ASCC1: variants seen among roughly 807,000 people sequenced by gnomAD.
The protein encoded by ASCC1 is ASC-1 complex subunit P50.
Under a neutral mutation model 46.6 loss-of-function variants are expected in ASCC1, and 35 were observed. The observed-to-expected ratio is 0.75, with a 90% CI of 0.57 to 0.99. The LOEUF (loss-of-function observed/expected upper bound fraction) is 0.99. ASCC1 is among the 50% of genes least tolerant of loss of function. ASCC1 has a pLI of 0.00. For missense variants in ASCC1, 376 were observed against 428.7 expected, an observed-to-expected ratio of 0.88 and a Z score of 1.09; for synonymous variants, 143 against 146.6, an observed-to-expected ratio of 0.98 and a Z score of 0.18.
chr10:72,190,620 G>A (rs1854279661), intron 5 of ASCC1: 1 of 948,702 alleles, frequency 1.1e-6, no homozygotes, highest in African/African-American at 1.7e-5. Flanking sequence ...AACAATTTAA[G>A]ACAGTCATGT....
At chr10:72,133,718 T>A (rs75542168) in intron 7 of ASCC1, 2,352 of 179,898 alleles carry the variant, frequency 0.013, 46 homozygotes, top group African/African-American at 0.052. Context: ...AAAAGGGAAT[T>A]ATGTGGTCTG....
chr10:72,132,970 T>G (rs1845775511), intron 8 of ASCC1, 87 bp downstream of exon 8: 5 of 1,556,720 alleles, frequency 3.2e-6, no homozygotes, highest in Non-Finnish European at 4.4e-6. Flanking sequence ...ATATCAGAGA[T>G]TCTTTGATAG....
intron 5 of ASCC1, among the ~76,000 whole-genome samples, chr10:72,176,411 T>C (rs1467762818): frequency 6.6e-6 from 1 of 152,154 alleles, no homozygotes; most frequent in East Asian, 1.9e-4. Flanking sequence ...GGCACAATCA[T>C]GGCTACTGTA....
intron 9 of ASCC1, among the ~76,000 whole-genome samples, chr10:72,125,887 T>C (rs1167843527): frequency 6.6e-6 from 1 of 152,210 alleles, no homozygotes; most frequent in Non-Finnish European, 1.5e-5. Flanking sequence ...AGGGATTGTA[T>C]CATAATGACT....
chr10:72,204,538 T>C, intron 3 of ASCC1: 1 of 1,549,394 alleles, frequency 6.5e-7, no homozygotes, highest in Non-Finnish European at 8.7e-7. Context: ...TTTCAGAGTC[T>C]ATAAAGCACT....
At chr10:72,178,706 G>C (rs1852174373) in intron 5 of ASCC1, among the ~76,000 whole-genome samples, 1 of 152,154 alleles carries the variant, frequency 6.6e-6, no homozygotes, top group South Asian at 2.1e-4. Context: ...AACTACCAGA[G>C]AACTGTGAGA....
rs374533598 is a variant in ASCC1 at position 72,141,224 on chromosome 10, T to C, written c.747-8043A>G. Among the ~76,000 whole-genome samples, 127 of 152,292 alleles carry C rather than the reference T, an allele frequency of 8.3e-4. 2 individuals are homozygous for C. Among genetic ancestry groups the C allele is most frequent in the African/African-American group, 3.0e-3 (124 of 41,572 alleles). On this transcript the variant is annotated intron_variant, in intron 7 of 9. Coordinates refer to ENST00000672957, the MANE Select transcript of ASCC1 (RefSeq NM_001198800.3). ...GTATCCAGGCTGACTTATTCTTCTA[T>C]TGCTCTCTCTTCCCACTTTTGAGAT...
At chr10:72,189,529 G>T (rs1221617809) in intron 5 of ASCC1, among the ~76,000 whole-genome samples, 1 of 152,104 alleles carries the variant, frequency 6.6e-6, no homozygotes, top group Non-Finnish European at 1.5e-5. Flanking sequence ...CTGTTCGGGT[G>T]GGGTGGCTCA....
intron 2 of ASCC1, among the ~76,000 whole-genome samples, chr10:72,211,822 CA>C (rs968215347): frequency 3.8e-4 from 53 of 140,584 alleles, no homozygotes; most frequent in African/African-American, 1.0e-3. Flanking sequence ...GACTCCGCCT[CA>C]AAAAAAAAAA....
chr10:72,168,762 C>T lies in ASCC1; in HGVS notation c.490-7088G>A, dbSNP rs551987547. ...GAGTGAGAAAGCACAGAGAAAAGGCCGGCAAAGAGAAACAGTCGCATGAGG... is the reference window on the plus strand; with the variant it reads ...GAGTGAGAAAGCACAGAGAAAAGGCTGGCAAAGAGAAACAGTCGCATGAGG... On this transcript the variant is annotated intron_variant, in intron 5 of 9. Coordinates refer to ENST00000672957, the MANE Select transcript of ASCC1 (RefSeq NM_001198800.3). 3.9e-5 allele frequency among the ~76,000 whole-genome samples: 6 copies of T among 152,212 alleles called. No individual in the cohort carries two copies. The East Asian group carries it at 7.7e-4, about 20-fold the overall frequency.
intron 3 of ASCC1, among the ~76,000 whole-genome samples, chr10:72,206,682 G>C (rs1421778297): frequency 6.6e-6 from 1 of 152,080 alleles, no homozygotes; most frequent in Non-Finnish European, 1.5e-5. Flanking sequence ...ACGGAATCCG[G>C]CTTGGATTCA....
At chr10:72,184,031 C>T (rs547727531) in intron 5 of ASCC1, among the ~76,000 whole-genome samples, 3 of 152,140 alleles carry the variant, frequency 2.0e-5, no homozygotes, top group Admixed American at 6.5e-5. Flanking sequence ...GCAGTACCAG[C>T]TACTCGGGAG....
intron 6 of ASCC1, among the ~76,000 whole-genome samples, chr10:72,153,311 G>A (rs1848581897): frequency 6.6e-6 from 1 of 152,168 alleles, no homozygotes; most frequent in Admixed American, 6.5e-5. Context: ...TTACTATGTT[G>A]GCTCATCTCT....
intron 5 of ASCC1, among the ~76,000 whole-genome samples, chr10:72,164,890 C>T (rs1382521577): frequency 2.0e-5 from 3 of 152,192 alleles, no homozygotes; most frequent in African/African-American, 4.8e-5. Flanking sequence ...ATGATGACAT[C>T]TTTTCATGTG....
Position 72,193,360 on chromosome 10 carries a change from T to C in ASCC1, c.489+3451A>G, listed in dbSNP as rs921728181. ...ACTTGGATGAATCTCAAAAGCACTA[T>C]GTTGAGTGAAAGAAGCCAGTTACCT... On this transcript the variant is annotated intron_variant, in intron 5 of 9. Transcript: ENST00000672957. Among the ~76,000 whole-genome samples, 49 of 152,058 alleles carry C rather than the reference T, an allele frequency of 3.2e-4. 1 individual carries two copies. Among genetic ancestry groups the C allele is most frequent in the Admixed American group, 2.3e-3 (35 of 15,230 alleles).
Position 72,151,439 on chromosome 10 carries a change from C to T in ASCC1, c.746+1430G>A, listed in dbSNP as rs187328264. Reference sequence around the variant, plus strand: ...GGCAGGGAACATCACACACCTGGACCTGTTGTGGTGTGGGGGGCCGGGGGA... The same window carrying T: ...GGCAGGGAACATCACACACCTGGACTTGTTGTGGTGTGGGGGGCCGGGGGA... On this transcript the variant is annotated intron_variant, in intron 7 of 9. Coordinates refer to ENST00000672957, the MANE Select transcript of ASCC1 (RefSeq NM_001198800.3). 2.1e-3 allele frequency among the ~76,000 whole-genome samples: 284 copies of T among 133,212 alleles called. 1 individual carries two copies. Among genetic ancestry groups the T allele is most frequent in the Admixed American group, 5.2e-3 (65 of 12,618 alleles). The allele number at this position is 133,212 out of a possible 152,430, so 87.4% of individuals were successfully genotyped here.
chr10:72,210,058 C>T (rs951139965), intron 3 of ASCC1, among the ~76,000 whole-genome samples: 2 of 152,076 alleles, frequency 1.3e-5, no homozygotes, highest in African/African-American at 2.4e-5. Context: ...CCTGCTCCCA[C>T]TTCAGCTTCT....
chr10:72,183,328 C>A (rs190234538), intron 5 of ASCC1, among the ~76,000 whole-genome samples: 1 of 152,158 alleles, frequency 6.6e-6, no homozygotes, highest in Non-Finnish European at 1.5e-5. Context: ...CAGGTGTGAG[C>A]CACTGAGCCC....
intron 5 of ASCC1, among the ~76,000 whole-genome samples, chr10:72,175,373 T>G (rs916925882): frequency 6.6e-5 from 10 of 152,210 alleles, no homozygotes. Flanking sequence ...ATGCCATCTT[T>G]GCTCTCCCTT....
Sources: allele counts gnomAD v4.1 joint callset (sites outside exome capture counted in the v4.1 genomes callset), GRCh38; gene constraint gnomAD v4.1.1; transcripts MANE v1.5; gene names NCBI Gene and HGNC (gene_info 2026-07-23, HGNC 2026-07-21).